Variants in SMARCD2 observed in about 807,000 individuals in gnomAD.
The protein encoded by SMARCD2 is SWI/SNF-related matrix-associated actin-dependent regulator of chromatin subfamily D member 2.
In SMARCD2, 39 loss-of-function variants were observed where a neutral mutation model predicts 70.4. The ratio of observed to expected loss-of-function variants is 0.55; its 90% CI spans 0.43 to 0.72. The LOEUF (loss-of-function observed/expected upper bound fraction) is 0.72. SMARCD2 is among the 30% of genes least tolerant of loss of function. SMARCD2 has a pLI of 0.00. For synonymous variants in SMARCD2, 249 were observed against 279.4 expected (o/e 0.89, Z 1.08); for missense variants, 540 against 713.4 (o/e 0.76, Z 2.77).
chr17:63,838,648 TG>T, intron 1 of SMARCD2: 3 of 1,494,140 alleles, frequency 2.0e-6, no homozygotes, highest in African/African-American at 1.4e-5. Flanking sequence ...GGAGCCCATC[TG>T]GGAGTCACCT....
chr17:63,837,663 G>C lies in SMARCD2; in HGVS notation c.217-38C>G. ...AGCCAACGGGGGTGCATAGGTCAGG[G>C]GCAAGGCCCTCCGGGACCCATAGCC... On this transcript the variant is annotated intron_variant, in intron 1 of 12. Coordinates refer to ENST00000448276, the MANE Select transcript of SMARCD2 (RefSeq NM_001098426.2). The surrounding 1 kb of genome is among the most constrained non-coding windows in gnomAD (Gnocchi z 6.4). 6.3e-7 allele frequency: 1 copy of C among 1,575,158 alleles called. No homozygotes were observed. Among genetic ancestry groups the C allele is most frequent in the Non-Finnish European group, 8.7e-7 (1 of 1,153,292 alleles).
In SMARCD2 at chr17:63,834,028, C is replaced by T. The variant is rs2040231979; in HGVS notation, c.1084-22G>A. On this transcript the variant is annotated intron_variant, in intron 8 of 12. Coordinates refer to ENST00000448276, the MANE Select transcript of SMARCD2 (RefSeq NM_001098426.2). This position sits in a 1 kb window ranked among gnomAD's most constrained non-coding sequence, Gnocchi z 5.6. ...AGATCTGGAGGAAATACGAAAGGCT[C>T]AGCGTTGGCTTGTGGGCACAGTGGA... 6.2e-7 allele frequency: 1 copy of T among 1,607,608 alleles called. No individual in the cohort carries two copies. Among genetic ancestry groups the T allele is most frequent in the Non-Finnish European group, 8.5e-7 (1 of 1,174,130 alleles).
chr17:63,839,079 G>A, intron 1 of SMARCD2: 1 of 985,380 alleles, frequency 1.0e-6, no homozygotes, highest in South Asian at 4.7e-5. Flanking sequence ...CTCTGCATCA[G>A]GAAGAGATTA....
In SMARCD2 at chr17:63,834,341, G is replaced by A; in HGVS notation, c.922-13C>T. 3 of 1,608,160 alleles carry A rather than the reference G, an allele frequency of 1.9e-6. No homozygotes were observed. Among genetic ancestry groups the A allele is most frequent in the Non-Finnish European group, 2.6e-6 (3 of 1,175,496 alleles). Reference sequence around the variant, plus strand: ...TGTACTGGGGAGGCTGGAGTTGGATGGAGGGGAGTCAGAACGGGTTCTTAT... The same window carrying A: ...TGTACTGGGGAGGCTGGAGTTGGATAGAGGGGAGTCAGAACGGGTTCTTAT... On this transcript the variant is annotated splice_polypyrimidine_tract_variant and intron_variant, in intron 7 of 12. Coordinates refer to ENST00000448276, the MANE Select transcript of SMARCD2 (RefSeq NM_001098426.2). This position sits in a 1 kb window ranked among gnomAD's most constrained non-coding sequence, Gnocchi z 5.6.
chr17:63,833,246 A>G lies in SMARCD2; in HGVS notation c.1440+52T>C. On this transcript the variant is annotated intron_variant, in intron 11 of 12. Coordinates refer to ENST00000448276, the MANE Select transcript of SMARCD2 (RefSeq NM_001098426.2). This position sits in a 1 kb window ranked among gnomAD's most constrained non-coding sequence, Gnocchi z 4.3. ...ATCCACCCTGGGAACTGCTGTGGGT[A>G]AAAATCACCCAGAGCTTTACATAGG... 1 of 1,612,686 alleles carries G rather than the reference A, an allele frequency of 6.2e-7. No individual in the cohort carries two copies. Among genetic ancestry groups the G allele is most frequent in the Non-Finnish European group, 8.5e-7 (1 of 1,178,744 alleles).
At chr17:63,835,715 A>G in intron 4 of SMARCD2, 148 bp from the exon 5 acceptor site, 1 of 635,438 alleles carries the variant, frequency 1.6e-6, no homozygotes, top group East Asian at 3.0e-5. Flanking sequence ...AATCAGAAGT[A>G]GTAAGTCCCA....
chr17:63,833,069 C>A lies in SMARCD2; in HGVS notation c.1542G>T (p.Lys514Asn), dbSNP rs1168338705. 8.8e-6 allele frequency: 14 copies of A among 1,594,828 alleles called. No individual in the cohort carries two copies. Among genetic ancestry groups the A allele is most frequent in the Non-Finnish European group, 1.2e-5 (14 of 1,171,208 alleles). The change falls in exon 12 of 13, where the codon AAG becomes AAT. Residue 514 changes from lysine to asparagine, a missense_variant and splice_region_variant. Coordinates refer to ENST00000448276, the MANE Select transcript of SMARCD2 (RefSeq NM_001098426.2). The surrounding 1 kb of genome is among the most constrained non-coding windows in gnomAD (Gnocchi z 4.3). ...QEAVGRHIFAKVQQRRQELEQ... is the reference protein window; with the variant it reads ...QEAVGRHIFANVQQRRQELEQ... ...GAGGGAAAACAGGGCAGAGCCTCAC[C>A]TTGGCAAAGATGTGCCTGCCTACTG...
In SMARCD2 at chr17:63,832,647, G is replaced by A. The variant is rs111734350; in HGVS notation, c.*291C>T. ...ATGCAAACCCAGCAGCCTTTGGTTC[G>A]GAAATGTCTTACAATGTCAAAGCAC... On this transcript the variant is annotated 3_prime_UTR_variant, in exon 13 of 13. Coordinates refer to ENST00000448276, the MANE Select transcript of SMARCD2 (RefSeq NM_001098426.2). 812 of 492,602 alleles carry A rather than the reference G, an allele frequency of 1.6e-3. 1 individual carries two copies. Among genetic ancestry groups the A allele is most frequent in the Non-Finnish European group, 2.7e-3 (717 of 269,626 alleles). The allele number at this position is 492,602 out of a possible 1,614,324, so 30.5% of individuals were successfully genotyped here. A position where few individuals can be genotyped will look rare whatever the true frequency, so the allele number is the denominator to read the frequency against.
intron 1 of SMARCD2, among the ~76,000 whole-genome samples, chr17:63,841,993 G>A (rs1039031249): frequency 2.0e-5 from 3 of 152,186 alleles, no homozygotes; most frequent in African/African-American, 7.2e-5. Flanking sequence ...ATTAGCAGCC[G>A]GGAGCCATCT....
rs753722687 is a variant in SMARCD2, at chr17:63,834,527, G to A, written c.868C>T (p.Arg290Trp). 6.2e-7 allele frequency: 1 copy of A among 1,606,882 alleles called. No individual in the cohort carries two copies. Among genetic ancestry groups the A allele is most frequent in the Admixed American group, 1.7e-5 (1 of 59,412 alleles). The change falls in exon 7 of 13, where the codon CGG becomes TGG. Residue 290 changes from arginine to tryptophan, a missense_variant. By Grantham distance (101) the Arg-to-Trp change is moderately radical (BLOSUM62 -3). Transcript: ENST00000448276. This position sits in a 1 kb window ranked among gnomAD's most constrained non-coding sequence, Gnocchi z 5.6. ...CACTTGACGTTGAGGTCTCCAGGCC[G>A]TTTTACTTGGAAGCCATCTGTCTCC... ...TQETDGFQVK[R>W]PGDLNVKCTL...
chr17:63,839,598 A>C (rs1034426753), intron 1 of SMARCD2, among the ~76,000 whole-genome samples: 35 of 152,076 alleles, frequency 2.3e-4, no homozygotes, highest in Non-Finnish European at 3.8e-4. Context: ...AACAAACAAA[A>C]AAAAACAACT....
At chr17:63,835,195 C>T in intron 5 of SMARCD2, 1 of 570,982 alleles carries the variant, frequency 1.8e-6, no homozygotes, top group South Asian at 2.2e-5. Flanking sequence ...GTGATCATAA[C>T]TCACTGAAGC....
chr17:63,836,500 GAAAAAAAAAAA>G (rs61376475), intron 4 of SMARCD2, among the ~76,000 whole-genome samples: 4 of 64,830 alleles, frequency 6.2e-5, no homozygotes, highest in African/African-American at 1.5e-4. Flanking sequence ...CTCCATCTCA[GAAAAAAAAAAA>G]AAAAAAAAAA....
rs756702966 is a variant in SMARCD2, at chr17:63,836,918, A to G, written c.567+4T>C. On this transcript the variant is annotated splice_donor_region_variant and intron_variant, in intron 4 of 12. Coordinates refer to ENST00000448276, the MANE Select transcript of SMARCD2 (RefSeq NM_001098426.2). ...AGGCTAGAGGTGGTCAGGGCCACAC[A>G]TACTGTCAGAGGCTTTTTGATGGCC... is the stretch of plus-strand genomic sequence containing the variant. 6.2e-7 allele frequency: 1 copy of G among 1,613,026 alleles called. No individual in the cohort carries two copies. Among genetic ancestry groups the G allele is most frequent in the Non-Finnish European group, 8.5e-7 (1 of 1,179,356 alleles).
At position 63,837,393 on chromosome 17, in the gene SMARCD2, AC is replaced by A. The variant is rs752673840; in HGVS notation, c.401+47del. ...TTAAGATAGAAGGAAACCCTCTGCT[AC>A]CACCAGAGCTGAGTTAGGCAGAGTG... On this transcript the variant is annotated intron_variant, in intron 2 of 12. Transcript: ENST00000448276. The surrounding 1 kb of genome is among the most constrained non-coding windows in gnomAD (Gnocchi z 6.4). 2.5e-5 allele frequency: 38 copies of A among 1,549,406 alleles called. No individual in the cohort carries two copies. The East Asian group carries it at 7.2e-4, about 29-fold the overall frequency.
Position 63,837,628 on chromosome 17 carries a change from G to A in SMARCD2, c.217-3C>T. 1 of 1,611,948 alleles carries A rather than the reference G, an allele frequency of 6.2e-7. No homozygotes were observed. Among genetic ancestry groups the A allele is most frequent in the African/African-American group, 1.3e-5 (1 of 75,018 alleles). On this transcript the variant is annotated splice_polypyrimidine_tract_variant and splice_region_variant and intron_variant, in intron 1 of 12. Coordinates refer to ENST00000448276, the MANE Select transcript of SMARCD2 (RefSeq NM_001098426.2). The surrounding 1 kb of genome is among the most constrained non-coding windows in gnomAD (Gnocchi z 6.4). ...TTCCCTGGTGACATGCCAGGTCGCT[G>A]GGGGAAGTGAGCCAACGGGGGTGCA...
rs1005408481 is a variant in SMARCD2, at chr17:63,834,316, T to G, written c.934A>C (p.Lys312Gln). The G allele has an allele frequency of 1.2e-6, 2 of 1,611,624 alleles. No individual in the cohort carries two copies. Among genetic ancestry groups the G allele is most frequent in the African/African-American group, 1.3e-5 (1 of 74,894 alleles). Residue 312 changes from lysine (K) to glutamine (Q), a missense_variant, in exon 8 of 13, where the codon AAA becomes CAA. By Grantham distance (53) the Lys-to-Gln change is moderately conservative. Coordinates refer to ENST00000448276, the MANE Select transcript of SMARCD2 (RefSeq NM_001098426.2). This position sits in a 1 kb window ranked among gnomAD's most constrained non-coding sequence, Gnocchi z 5.6. ...AGCCTTGCCAATCGGGGGTCCAATTTGTACTGGGGAGGCTGGAGTTGGATG... is the reference window on the plus strand; with the variant it reads ...AGCCTTGCCAATCGGGGGTCCAATTGGTACTGGGGAGGCTGGAGTTGGATG... Reference protein sequence around the residue: ...LMLDHQPPQYKLDPRLARLLG... With the variant: ...LMLDHQPPQYQLDPRLARLLG...
chr17:63,832,189 C>T lies in SMARCD2; in HGVS notation c.*749G>A, dbSNP rs1269345158. On this transcript the variant is annotated 3_prime_UTR_variant, in exon 13 of 13. Coordinates refer to ENST00000448276, the MANE Select transcript of SMARCD2 (RefSeq NM_001098426.2). The stretch of plus-strand genomic sequence containing the variant: ...AGCTCCAAAGGGCAACACCAGTCCT[C>T]CCAGCCTCCCCATTCACCTTACCCT... The T allele has an allele frequency of 1.7e-6, 1 of 589,764 alleles. No homozygotes were observed. The highest frequency in any genetic ancestry group is 3.0e-6 in the Non-Finnish European group (1 of 330,794). 36.5% of individuals were successfully genotyped at this position (589,764 alleles called of 1,614,324 possible).
intron 1 of SMARCD2, 54 bp downstream of exon 1, chr17:63,842,405 C>G: frequency 7.7e-7 from 1 of 1,298,580 alleles, no homozygotes; most frequent in Non-Finnish European, 9.8e-7. Flanking sequence ...GCCGCCGGCC[C>G]GGGCGCCCTC....
Sources: gnomAD v4.1 joint callset for allele counts (sites outside exome capture counted in the v4.1 genomes callset) on GRCh38, gnomAD v4.1.1 for gene constraint, Gnocchi (gnomAD v3.1) non-coding constraint, MANE v1.5 for transcripts, NCBI Gene and HGNC (gene_info 2026-07-23, HGNC 2026-07-21) for gene names.